Variants in CATSPER2 observed in about 807,000 individuals in gnomAD.
CATSPER2 encodes cation channel sperm associated 2.
A neutral mutation model predicts 68.8 loss-of-function variants in CATSPER2; 56 were observed. The ratio of observed to expected loss-of-function variants is 0.81; its 90% CI spans 0.66 to 1.02. The LOEUF (loss-of-function observed/expected upper bound fraction) is 1.02. CATSPER2 is among the 50% of genes least tolerant of loss of function. CATSPER2 has a pLI of 0.00. For synonymous variants in CATSPER2, 198 were observed against 229.9 expected (o/e 0.86, Z 1.26); for missense variants, 582 against 642.0 (o/e 0.91, Z 1.01).
intron 4 of CATSPER2, 51 bp downstream of exon 4, chr15:43,646,999 G>A (rs923252241): frequency 1.3e-6 from 2 of 1,492,968 alleles, no homozygotes; most frequent in South Asian, 1.1e-5. Context: ...TTACACGTGT[G>A]AGCCGGCGTG....
chr15:43,633,806 A>T (rs1331142447), intron 10 of CATSPER2: 1 of 151,524 alleles, frequency 6.6e-6, no homozygotes, highest in Non-Finnish European at 1.5e-5. Flanking sequence ...TAAATAAATA[A>T]ATTAGCCAGG....
chr15:43,638,074 C>A (rs1383449232), intron 7 of CATSPER2, among the ~76,000 whole-genome samples: 5 of 150,920 alleles, frequency 3.3e-5, no homozygotes, highest in African/African-American at 1.2e-4. Flanking sequence ...CCTATCTCAG[C>A]CTCTGGAGTA....
Position 43,630,337 on chromosome 15 carries a change from C to G in CATSPER2, c.*364G>C, listed in dbSNP as rs1490519047. ...CAATATCCCTTATCTCAGGGTCACA[C>G]TACTGAGCAGCTATCAGGAGTATTT... On this transcript the variant is annotated 3_prime_UTR_variant, in exon 13 of 13. Transcript: ENST00000396879. 4.0e-5 allele frequency: 13 copies of G among 327,938 alleles called. No individual in the cohort carries two copies. The highest frequency in any genetic ancestry group is 3.3e-4 in the South Asian group (12 of 35,892). 20.3% of individuals were successfully genotyped at this position (327,938 alleles called of 1,614,324 possible).
intron 4 of CATSPER2, among the ~76,000 whole-genome samples, chr15:43,641,302 G>C (rs1285914960): frequency 6.6e-6 from 1 of 151,534 alleles, no homozygotes; most frequent in Non-Finnish European, 1.5e-5. Context: ...TTTCAGTAGA[G>C]ATGGGGTTTC....
intron 7 of CATSPER2, among the ~76,000 whole-genome samples, chr15:43,638,286 C>CTTTTTTTTTTTTTTT (rs71460446): frequency 2.2e-4 from 18 of 81,860 alleles, no homozygotes; most frequent in African/African-American, 5.3e-4. Flanking sequence ...TTCTTTCTTT[C>CTTTTTTTTTTTTTTT]TTTTTTTTTT....
intron 1 of CATSPER2, among the ~76,000 whole-genome samples, chr15:43,648,384 A>G (rs1000420486): frequency 1.3e-5 from 2 of 152,060 alleles, no homozygotes; most frequent in Non-Finnish European, 2.9e-5. Flanking sequence ...AGGAGCAGCC[A>G]CAAGGGCAGG....
intron 6 of CATSPER2, chr15:43,639,409 AATTT>A: frequency 2.3e-6 from 1 of 443,104 alleles, no homozygotes; most frequent in Non-Finnish European, 3.8e-6. Flanking sequence ...CAAGCCCGGC[AATTT>A]TTTTTTTTTT....
At chr15:43,645,436 GAAAATATCTGT>G (rs1173042417) in intron 4 of CATSPER2, among the ~76,000 whole-genome samples, 1 of 151,794 alleles carries the variant, frequency 6.6e-6, no homozygotes, top group Non-Finnish European at 1.5e-5. Context: ...TTCTGTTGAG[GAAAATATCTGT>G]GTGAAATAAA....
chr15:43,648,581 T>A, intron 1 of CATSPER2, 48 bp downstream of exon 1: 1 of 1,369,946 alleles, frequency 7.3e-7, no homozygotes, highest in Middle Eastern at 2.7e-4. Flanking sequence ...CCAACACTCC[T>A]TCGGGGGCTA....
chr15:43,631,846 A>G (rs1193873198), intron 12 of CATSPER2, among the ~76,000 whole-genome samples: 1 of 151,934 alleles, frequency 6.6e-6, no homozygotes, highest in Non-Finnish European at 1.5e-5. Flanking sequence ...GAGAGAATAA[A>G]CGTGCAGAAA....
chr15:43,645,457 A>G (rs1280550536), intron 4 of CATSPER2, among the ~76,000 whole-genome samples: 1 of 151,828 alleles, frequency 6.6e-6, no homozygotes, highest in East Asian at 1.9e-4. Context: ...TGTGAAATAA[A>G]CAGCCAAGAG....
chr15:43,638,934 C>A lies in CATSPER2; in HGVS notation c.812G>T (p.Arg271Leu), dbSNP rs749767558. ...GAACACATGGTACTCCAGGTCCTGA[C>A]GAGGTGAACGGGTGTACTCTGAGAA... ...YVFSEYTRSPRQDLEYHVFFS... is the reference protein window; with the variant it reads ...YVFSEYTRSPLQDLEYHVFFS... Residue 271 changes from arginine to leucine, a missense_variant, in exon 7 of 13, where the codon CGT becomes CTT. Physicochemically the swap from Arg to Leu is moderately radical, Grantham distance 102 (BLOSUM62 -2). This residue lies in a region of CATSPER2 where 91 missense variants were observed against 72.8 expected (regional missense o/e 1.25). Transcript: ENST00000396879. 1.9e-6 allele frequency: 3 copies of A among 1,613,128 alleles called. No individual in the cohort carries two copies. Among genetic ancestry groups the A allele is most frequent in the Admixed American group, 1.7e-5 (1 of 59,956 alleles).
chr15:43,646,881 A>AT (rs1319718811), intron 4 of CATSPER2, among the ~76,000 whole-genome samples, 169 bp downstream of exon 4: 1 of 151,412 alleles, frequency 6.6e-6, no homozygotes, highest in South Asian at 2.1e-4. Flanking sequence ...AGCCCGGCTA[A>AT]TTTTTTGTAT....
rs1156337864 is a variant in CATSPER2, at chr15:43,640,482, T to C, written c.403A>G (p.Thr135Ala). Residue 135 changes from threonine (T) to alanine (A), a missense_variant, in exon 5 of 13, where the codon ACA (threonine) becomes GCA (alanine). By Grantham distance (58) the Thr-to-Ala change is moderately conservative. Around this residue, in one of 5 missense-constraint regions of CATSPER2, gnomAD observed 197 missense variants for 191.0 expected, o/e 1.03. Coordinates refer to ENST00000396879, the MANE Select transcript of CATSPER2 (RefSeq NM_172095.4). ...TTCAATGGCCATAGTTTGGTATTTG[T>C]GGATTCCAGCAATTCTGTGAAGATA... is the stretch of plus-strand genomic sequence containing the variant. Reference protein sequence around the residue: ...LMVEIELLESTNTKLWPLKLT... With the variant: ...LMVEIELLESANTKLWPLKLT... The C allele has an allele frequency of 2.5e-6, 4 of 1,613,362 alleles. No homozygotes were observed. Among genetic ancestry groups the C allele is most frequent in the South Asian group, 1.1e-5 (1 of 91,044 alleles).
intron 1 of CATSPER2, among the ~76,000 whole-genome samples, 168 bp downstream of exon 1, chr15:43,648,461 T>C (rs780596336): frequency 1.3e-5 from 2 of 151,382 alleles, no homozygotes; most frequent in Non-Finnish European, 2.9e-5. Context: ...TGAGGTGGAG[T>C]TGGGGGAGGT....
Position 43,635,822 on chromosome 15 carries a change from A to C in CATSPER2, c.1026T>G (p.Thr342=). ...FRSIIVAMMV[T]NFQNIRKELN... is the part of the protein sequence containing the mutation. ...GCTCTTTCCTGATATTCTGAAAGTTAGTAACTGCCCCAAAGGGCCATTAGG... is the reference window on the plus strand; with the variant it reads ...GCTCTTTCCTGATATTCTGAAAGTTCGTAACTGCCCCAAAGGGCCATTAGG... Residue 342 remains threonine, a synonymous_variant, in exon 9 of 13, where the codon ACT becomes ACG. Transcript: ENST00000396879. 6.2e-7 allele frequency: 1 copy of C among 1,613,044 alleles called. No individual in the cohort carries two copies. Among genetic ancestry groups the C allele is most frequent in the Non-Finnish European group, 8.5e-7 (1 of 1,179,508 alleles).
Position 43,636,235 on chromosome 15 carries a change from T to C in CATSPER2, c.843-16A>G, listed in dbSNP as rs202166387. ...CGGGAGGTCCCTAAAGAAAAAGACA[T>C]GTGAATAGACAGAAGCAGAGACCTA... is the stretch of plus-strand genomic sequence containing the variant. On this transcript the variant is annotated splice_polypyrimidine_tract_variant and intron_variant, in intron 7 of 12. Coordinates refer to ENST00000396879, the MANE Select transcript of CATSPER2 (RefSeq NM_172095.4). 68 of 1,612,980 alleles carry C rather than the reference T, an allele frequency of 4.2e-5. No homozygotes were observed. The highest frequency in any genetic ancestry group is 8.8e-5 in the South Asian group (8 of 91,010).
intron 11 of CATSPER2, 120 bp downstream of exon 11, chr15:43,632,597 A>G: frequency 6.3e-7 from 1 of 1,581,082 alleles, no homozygotes; most frequent in Non-Finnish European, 8.6e-7. Context: ...AAACAAAGTA[A>G]TTAAGACCAG....
Position 43,647,993 on chromosome 15 carries a change from G to A in CATSPER2, c.69C>T (p.Ile23=), listed in dbSNP as rs776100141. Residue 23 remains isoleucine, a synonymous_variant, in exon 2 of 13, where the codon ATC becomes ATT. Coordinates refer to ENST00000396879, the MANE Select transcript of CATSPER2 (RefSeq NM_172095.4). The part of the protein sequence containing the change: ...PRADAIRSRL[I]DTFSLIEHLQ... The stretch of plus-strand genomic sequence containing the variant: ...AATGCTCAATGAGAGAGAAAGTATC[G>A]ATGAGACGTGAACGAATGGCATCAG... 4 of 1,613,586 alleles carry A rather than the reference G, an allele frequency of 2.5e-6. No individual in the cohort carries two copies. The highest frequency in any genetic ancestry group is 1.1e-5 in the South Asian group (1 of 91,042).
Sources: gnomAD v4.1 joint callset for allele counts (sites outside exome capture counted in the v4.1 genomes callset) on GRCh38, gnomAD v4.1.1 for gene constraint, gnomAD v4.1.1 regional missense constraint, MANE v1.5 for transcripts, NCBI Gene and HGNC (gene_info 2026-07-23, HGNC 2026-07-21) for gene names.